The following MYO1B variants were observed in gnomAD, a reference collection of about 807,000 sequenced individuals.
MYO1B encodes unconventional myosin-Ib.
A neutral mutation model predicts 159.7 loss-of-function variants in MYO1B; 72 were observed. The observed-to-expected ratio is 0.45, with a 90% confidence interval of 0.37 to 0.55. The LOEUF is 0.55. Ranked by LOEUF, MYO1B falls within the 20% of genes least tolerant of loss-of-function variation. MYO1B has a pLI of 0.00. For synonymous variants in MYO1B, 468 were observed against 473.8 expected, an observed-to-expected ratio of 0.99 and a Z score of 0.16; for missense variants, 1,062 against 1,364.8, an observed-to-expected ratio of 0.78 and a Z score of 3.50.
chr2:191,317,495 T>C (rs1391176505), intron 3 of MYO1B, among the ~76,000 whole-genome samples: 10 of 152,248 alleles, frequency 6.6e-5, no homozygotes, highest in Non-Finnish European at 1.3e-4. Context: ...ATTATTATTA[T>C]ACCTTAAGTT....
chr2:191,290,422 G>A (rs1181915289), intron 2 of MYO1B, among the ~76,000 whole-genome samples: 1 of 152,204 alleles, frequency 6.6e-6, no homozygotes, highest in Non-Finnish European at 1.5e-5. Flanking sequence ...GGAGTGCTGT[G>A]TAGCACAATT....
intron 1 of MYO1B, among the ~76,000 whole-genome samples, chr2:191,272,500 G>A (rs574515140): frequency 6.6e-6 from 1 of 152,336 alleles, no homozygotes; most frequent in South Asian, 2.1e-4. Flanking sequence ...GGCTACATCT[G>A]CATGGCAGAA....
chr2:191,423,216 C>T (rs187673316), intron 30 of MYO1B, among the ~76,000 whole-genome samples: 152 of 152,314 alleles, frequency 1.0e-3, no homozygotes, highest in African/African-American at 3.5e-3. Context: ...TAGCCTACTA[C>T]ACACATAGGC....
At chr2:191,404,040 C>G (rs1484987551) in intron 24 of MYO1B, among the ~76,000 whole-genome samples, 2 of 152,162 alleles carry the variant, frequency 1.3e-5, no homozygotes, top group African/African-American at 4.8e-5. Flanking sequence ...AACAGAGGTA[C>G]TTTACTATAT....
At chr2:191,276,854 G>A (rs200016616) in intron 1 of MYO1B, 33 bp from the exon 2 acceptor site, 39 of 1,572,094 alleles carry the variant, frequency 2.5e-5, no homozygotes, top group African/African-American at 1.4e-4. Flanking sequence ...TATTTTGCTC[G>A]TTTAAATTGA....
At chr2:191,370,198 TTAAC>T (rs1478713462) in intron 12 of MYO1B, 25 bp from the exon 13 acceptor site, 1 of 1,538,772 alleles carries the variant, frequency 6.5e-7, no homozygotes, top group African/African-American at 1.4e-5. Context: ...CATGCCTTAA[TTAAC>T]CCTTTAATTT....
chr2:191,303,171 C>A (rs780391215), intron 3 of MYO1B, among the ~76,000 whole-genome samples: 8 of 151,936 alleles, frequency 5.3e-5, no homozygotes, highest in Non-Finnish European at 8.8e-5. Flanking sequence ...CACATTATTT[C>A]TTTTATGTAG....
chr2:191,295,501 T>C (rs1297551258), intron 2 of MYO1B, among the ~76,000 whole-genome samples: 1 of 152,190 alleles, frequency 6.6e-6, no homozygotes, highest in Non-Finnish European at 1.5e-5. Flanking sequence ...ACCTTTAAAT[T>C]TGACACTAAA....
chr2:191,265,391 T>A (rs1431116887), intron 1 of MYO1B, among the ~76,000 whole-genome samples: 2 of 152,122 alleles, frequency 1.3e-5, no homozygotes, highest in Non-Finnish European at 2.9e-5. Context: ...CATGATCCGA[T>A]CAGGCATAAA....
At chr2:191,403,829 C>G (rs1696752553) in intron 24 of MYO1B, among the ~76,000 whole-genome samples, 1 of 152,012 alleles carries the variant, frequency 6.6e-6, no homozygotes, top group African/African-American at 2.4e-5. Flanking sequence ...TTTTTTAAGT[C>G]AAACAAAAGT....
intron 3 of MYO1B, among the ~76,000 whole-genome samples, chr2:191,312,029 A>C: frequency 6.6e-6 from 1 of 152,254 alleles, no homozygotes; most frequent in South Asian, 2.1e-4. Flanking sequence ...TCTTACAGGC[A>C]TAGCTTAGGT....
chr2:191,331,667 G>A (rs1247674078), intron 4 of MYO1B, among the ~76,000 whole-genome samples: 1 of 152,164 alleles, frequency 6.6e-6, no homozygotes, highest in African/African-American at 2.4e-5. Flanking sequence ...CTATACTAGG[G>A]ACTGTCCTTG....
rs75538528 is a variant in MYO1B, at chr2:191,396,899, A to G, written c.2295+402A>G. On this transcript the variant is annotated intron_variant, in intron 21 of 30. Transcript: ENST00000392318. ...ACCATCTTGCAGGCTACCCATCACG[A>G]TTGAAAGATCCTGAGATCTGGCCAG... 9.9e-4 allele frequency among the ~76,000 whole-genome samples: 150 copies of G among 152,152 alleles called. No homozygotes were observed. The East Asian group carries it at 0.02, about 20-fold the overall frequency.
At chr2:191,354,024 G>A (rs12992317) in intron 7 of MYO1B, among the ~76,000 whole-genome samples, 50,760 of 151,904 alleles carry the variant, frequency 0.33, 8,728 homozygotes, top group South Asian at 0.49. Context: ...TTGGGAGGCC[G>A]AGGCAGGCGG....
intron 3 of MYO1B, among the ~76,000 whole-genome samples, chr2:191,307,096 A>G (rs1340624188): frequency 6.6e-6 from 1 of 152,210 alleles, no homozygotes; most frequent in East Asian, 1.9e-4. Flanking sequence ...ATTTCATCCC[A>G]TGAACAGAGC....
In MYO1B at chr2:191,387,091, G is replaced by T. The variant is rs182350995; in HGVS notation, c.1555-133G>T. ...GGAGGCGAACTCATTATGAGAGTGTGACTAACATGTCAGGGATTTTTTGAT... is the reference window on the plus strand; with the variant it reads ...GGAGGCGAACTCATTATGAGAGTGTTACTAACATGTCAGGGATTTTTTGAT... On this transcript the variant is annotated intron_variant, in intron 16 of 30. Transcript: ENST00000392318. 1.5e-4 allele frequency: 125 copies of T among 817,368 alleles called. No individual in the cohort carries two copies. The African/African-American group carries it at 2.1e-3, about 14-fold the overall frequency. 50.6% of individuals were successfully genotyped at this position (817,368 alleles called of 1,614,324 possible).
chr2:191,402,737 G>A lies in MYO1B; in HGVS notation c.2556+19G>A. 6.3e-7 allele frequency: 1 copy of A among 1,599,722 alleles called. No homozygotes were observed. ...ACTGAAGGTACTTCCTCAACCACTTGTTTCTGTCCAGGGTGAACTTCATAA... is the reference window on the plus strand; with the variant it reads ...ACTGAAGGTACTTCCTCAACCACTTATTTCTGTCCAGGGTGAACTTCATAA... On this transcript the variant is annotated intron_variant, in intron 24 of 30. Coordinates refer to ENST00000392318, the MANE Select transcript of MYO1B (RefSeq NM_001130158.3).
At chr2:191,273,431 G>A (rs1687576501) in intron 1 of MYO1B, among the ~76,000 whole-genome samples, 2 of 152,086 alleles carry the variant, frequency 1.3e-5, no homozygotes, top group African/African-American at 4.8e-5. Flanking sequence ...CCAATTCTAG[G>A]TAATTTTCTT....
At chr2:191,379,605 T>A (rs987564353) in intron 13 of MYO1B, among the ~76,000 whole-genome samples, 2 of 152,154 alleles carry the variant, frequency 1.3e-5, no homozygotes, top group Non-Finnish European at 2.9e-5. Context: ...TTATTTGCTG[T>A]TTGATGATTT....
Sources: allele counts gnomAD v4.1 joint callset (sites outside exome capture counted in the v4.1 genomes callset), GRCh38; gene constraint gnomAD v4.1.1; transcripts MANE v1.5; gene names NCBI Gene and HGNC (gene_info 2026-07-23, HGNC 2026-07-21).